Variants in DMD observed in about 807,000 individuals in gnomAD.
The protein encoded by DMD is mutant dystrophin.
DMD carries 63 observed loss-of-function variants against 330.1 expected under a neutral mutation model. The observed-to-expected ratio is 0.19, with a 90% CI of 0.16 to 0.24. The LOEUF is 0.24. DMD is among the 10% of genes least tolerant of loss of function. The pLI, the probability that DMD is intolerant of heterozygous loss-of-function variation, is 1.00. For synonymous variants in DMD, 1,223 were observed against 959.8 expected, an observed-to-expected ratio of 1.27 and a Z score of -5.07; for missense variants, 3,344 against 2,684.1, an observed-to-expected ratio of 1.25 and a Z score of -5.43.
chrX:31,190,605 G>T (rs2042227659), intron 67 of DMD, among the ~76,000 whole-genome samples: 1 of 27,003 alleles, frequency 3.7e-5, no homozygotes, highest in African/African-American at 1.0e-4. Flanking sequence ...GGGGGGGGGG[G>T]GGGGGGAGGG....
chrX:32,638,981 A>C (rs1460277206), intron 11 of DMD, among the ~76,000 whole-genome samples: 1 of 111,674 alleles, frequency 9.0e-6, no homozygotes, highest in East Asian at 2.8e-4. Context: ...TATTTTCCAT[A>C]TTATGGCTTG....
chrX:33,286,307 G>C (rs909833577), intron 1 of DMD, among the ~76,000 whole-genome samples: 2 of 111,211 alleles, frequency 1.8e-5, no homozygotes, highest in African/African-American at 6.5e-5. Flanking sequence ...AAGTTAATTG[G>C]CTGATACAAA....
At chrX:32,592,680 C>T (rs2055054834) in intron 13 of DMD, among the ~76,000 whole-genome samples, 1 of 112,208 alleles carries the variant, frequency 8.9e-6, no homozygotes. Context: ...ACAAACAGGG[C>T]TGAAACATGC....
rs144169173 is a variant in DMD at position 32,096,250 on chromosome X, A to G, written c.6438+120666T>C. ...AAGTTTCACAAATGTAACACGCCCA[A>G]TGCCCCACAGATAGAAAGTGGTGGA... On this transcript the variant is annotated intron_variant, in intron 44 of 78. Transcript: ENST00000357033. 9.5e-3 allele frequency among the ~76,000 whole-genome samples: 1,063 copies of G among 111,823 alleles called. 8 individuals carry two copies. The highest frequency in any genetic ancestry group is 0.014 in the Non-Finnish European group (725 of 53,194).
intron 17 of DMD, among the ~76,000 whole-genome samples, chrX:32,522,384 G>A (rs1260393003): frequency 9.0e-6 from 1 of 111,603 alleles, no homozygotes. Context: ...CATAATAGAT[G>A]TACTTAGATT....
Position 31,792,874 on chromosome X carries a change from C to T in DMD, c.7310-18682G>A, listed in dbSNP as rs187213193. On this transcript the variant is annotated intron_variant, in intron 50 of 78. Coordinates refer to ENST00000357033, the MANE Select transcript of DMD (RefSeq NM_004006.3). Reference sequence around the variant, plus strand: ...TTTGTCTTTTCACAGGAGGCAGCTGCCCTCCACCAGCAAGGGCAAAGGGCC... The same window carrying T: ...TTTGTCTTTTCACAGGAGGCAGCTGTCCTCCACCAGCAAGGGCAAAGGGCC... Among the ~76,000 whole-genome samples, 29 of 111,844 alleles carry T rather than the reference C, an allele frequency of 2.6e-4. No homozygotes were observed. In the Admixed American group the frequency reaches 2.8e-3, roughly 11 times the overall value.
At chrX:32,914,921 T>G (rs925783562) in intron 2 of DMD, among the ~76,000 whole-genome samples, 1 of 111,883 alleles carries the variant, frequency 8.9e-6, no homozygotes, top group Non-Finnish European at 1.9e-5. Context: ...CATTTTTTTT[T>G]TGGATGAGAA....
chrX:33,270,927 A>G (rs7888058), intron 1 of DMD, among the ~76,000 whole-genome samples: 11,903 of 111,019 alleles, frequency 0.11, 1,020 homozygotes, highest in East Asian at 0.31. Context: ...AAAATGAATT[A>G]TTTATATTAT....
chrX:32,568,049 CAT>C (rs1195463263), intron 15 of DMD, among the ~76,000 whole-genome samples: 1 of 112,097 alleles, frequency 8.9e-6, no homozygotes, highest in African/African-American at 3.2e-5. Context: ...GATTTGGAAA[CAT>C]GTCAGAAGAG....
intron 1 of DMD, among the ~76,000 whole-genome samples, chrX:33,164,586 T>C (rs768098093): frequency 1.8e-5 from 2 of 112,390 alleles, no homozygotes; most frequent in Non-Finnish European, 3.8e-5. Context: ...AAACTCATTT[T>C]AGGAGTCATT....
At chrX:32,822,670 T>C (rs982817351) in intron 5 of DMD, among the ~76,000 whole-genome samples, 1 of 109,884 alleles carries the variant, frequency 9.1e-6, no homozygotes, top group Non-Finnish European at 1.9e-5. Context: ...TATGTGTGTA[T>C]ATATAGACAC....
intron 29 of DMD, among the ~76,000 whole-genome samples, chrX:32,417,295 C>T (rs10521997): frequency 0.14 from 15,869 of 110,304 alleles, 935 homozygotes; most frequent in African/African-American, 0.2. Context: ...TAGAAAGAAT[C>T]GGTCTTCTGA....
rs1310878998 is a variant in DMD at position 32,614,288 on chromosome X, A to G, written c.1482+15T>C. On this transcript the variant is annotated intron_variant, in intron 12 of 78. Transcript: ENST00000357033. Reference sequence around the variant, plus strand: ...TGCTTTCTAGTAGAAAGCACGCAACATAAGATACACCTACCTTATGTTGTT... The same window carrying G: ...TGCTTTCTAGTAGAAAGCACGCAACGTAAGATACACCTACCTTATGTTGTT... 1.4e-5 allele frequency: 17 copies of G among 1,205,707 alleles called. No homozygotes were observed. The highest frequency in any genetic ancestry group is 1.9e-5 in the Non-Finnish European group (17 of 893,003).
intron 13 of DMD, among the ~76,000 whole-genome samples, chrX:32,580,574 A>C (rs1165610793): frequency 8.9e-6 from 1 of 111,759 alleles, no homozygotes; most frequent in Admixed American, 9.5e-5. Context: ...ATCTGTGATG[A>C]ATTATTGAGA....
At chrX:31,474,431 G>A (rs2067570348) in intron 59 of DMD, among the ~76,000 whole-genome samples, 1 of 110,329 alleles carries the variant, frequency 9.1e-6, no homozygotes, top group South Asian at 3.8e-4. Context: ...CTAGCTAGCT[G>A]CCTAGTTATC....
intron 59 of DMD, among the ~76,000 whole-genome samples, chrX:31,459,851 T>C (rs1293892856): frequency 8.9e-6 from 1 of 112,031 alleles, no homozygotes; most frequent in African/African-American, 3.2e-5. Context: ...CAATGTGCCC[T>C]TACTCTGCCT....
At chrX:33,155,061 A>AATCTTAC (rs1410733255) in intron 1 of DMD, among the ~76,000 whole-genome samples, 2 of 112,072 alleles carry the variant, frequency 1.8e-5, no homozygotes, top group Non-Finnish European at 3.8e-5. Flanking sequence ...TTCTGCTTAT[A>AATCTTAC]ATCTTACATT....
At chrX:32,544,210 C>A (rs1244066629) in intron 17 of DMD, among the ~76,000 whole-genome samples, 1 of 111,213 alleles carries the variant, frequency 9.0e-6, no homozygotes, top group African/African-American at 3.3e-5. Context: ...CAAAGTAGGT[C>A]ATAAGTCATT....
chrX:31,687,470 T>C (rs1406752241), intron 52 of DMD, among the ~76,000 whole-genome samples: 1 of 110,912 alleles, frequency 9.0e-6, no homozygotes, highest in African/African-American at 3.3e-5. Flanking sequence ...TCTCTCAGCA[T>C]TCACCACAAG....
Sources: gnomAD v4.1 joint callset for allele counts (sites outside exome capture counted in the v4.1 genomes callset) on GRCh38, gnomAD v4.1.1 for gene constraint, MANE v1.5 for transcripts, NCBI Gene and HGNC (gene_info 2026-07-23, HGNC 2026-07-21) for gene names.